The following EIF3G variants were observed in gnomAD, a reference collection of about 807,000 sequenced individuals.
EIF3G encodes eukaryotic translation initiation factor 3 RNA-binding subunit.
A neutral mutation model predicts 41.7 loss-of-function variants in EIF3G; 10 were observed. That is an observed-to-expected ratio of 0.24 (90% CI 0.15 to 0.41). EIF3G has a LOEUF of 0.41. EIF3G is among the 10% of genes least tolerant of loss of function. The pLI is 1.00. For synonymous variants in EIF3G, 204 were observed against 172.5 expected, an observed-to-expected ratio of 1.18 and a Z score of -1.43; for missense variants, 297 against 444.0, an observed-to-expected ratio of 0.67 and a Z score of 2.98.
chr19:10,116,985 A>G lies in EIF3G; in HGVS notation c.410T>C (p.Leu137Pro). Reference protein sequence around the residue: ...SMTFITSKEDLNCQEEEDPMN... With the variant: ...SMTFITSKEDPNCQEEEDPMN... ...AGGGTCCTCCTCCTCCTGGCAGTTC[A>G]GGTCCTGGCAGGGGCGGGTTGGGGG... Residue 137 changes from leucine (L) to proline (P), a missense_variant, in exon 7 of 11, where the codon CTG becomes CCG. Leu to Pro is a moderately conservative substitution (Grantham distance 98). Coordinates refer to ENST00000253108, the MANE Select transcript of EIF3G (RefSeq NM_003755.5). This position sits in a 1 kb window ranked among gnomAD's most constrained non-coding sequence, Gnocchi z 4.1. 1 of 1,609,154 alleles carries G rather than the reference A, an allele frequency of 6.2e-7. No homozygotes were observed. Among genetic ancestry groups the G allele is most frequent in the Non-Finnish European group, 8.5e-7 (1 of 1,176,666 alleles).
intron 10 of EIF3G, 23 bp downstream of exon 10, chr19:10,115,456 C>T: frequency 6.3e-7 from 1 of 1,589,712 alleles, no homozygotes; most frequent in Admixed American, 1.7e-5. Flanking sequence ...GGAGCAGGGG[C>T]TGGGGCAGGG....
At chr19:10,117,010 G>A in intron 6 of EIF3G, 21 bp from the exon 7 acceptor site, 6 of 1,603,286 alleles carry the variant, frequency 3.7e-6, no homozygotes, top group Non-Finnish European at 5.1e-6. Context: ...CGGGTTGGGG[G>A]GAGCTCAGAG....
At chr19:10,119,776 C>T (rs1471844854) in intron 1 of EIF3G, 64 bp downstream of exon 1, 1 of 1,614,090 alleles carries the variant, frequency 6.2e-7, no homozygotes, top group East Asian at 2.2e-5. Flanking sequence ...GTACCCAGGC[C>T]CCATAATACT....
chr19:10,115,163 C>T (rs1381664924), intron 10 of EIF3G, 34 bp from the exon 11 acceptor site: 2 of 1,612,340 alleles, frequency 1.2e-6, no homozygotes, highest in Non-Finnish European at 1.7e-6. Context: ...TATAAGACTT[C>T]TGGGGGCACC....
In EIF3G at chr19:10,115,499, G is replaced by A. The variant is rs1184285380; in HGVS notation, c.927C>T (p.Ile309=). Residue 309 remains isoleucine (I), a synonymous_variant, in exon 10 of 11, where the codon ATC becomes ATT. Transcript: ENST00000253108. ...CTTACTTGGCCCACTCGACGTTGAG[G>A]ATGAGGTGGTCGTAGCCAAAGCCGG... ...GVSGFGYDHL[I]LNVEWAKPST... 4 of 1,612,676 alleles carry A rather than the reference G, an allele frequency of 2.5e-6. No homozygotes were observed. Among genetic ancestry groups the A allele is most frequent in the East Asian group, 4.5e-5 (2 of 44,890 alleles).
In EIF3G at chr19:10,116,213, G is replaced by A. The variant is rs150520997; in HGVS notation, c.596-139C>T. 78 of 773,606 alleles carry A rather than the reference G, an allele frequency of 1.0e-4. No homozygotes were observed. The East Asian group carries it at 2.1e-3, about 21-fold the overall frequency. 47.9% of individuals were successfully genotyped at this position (773,606 alleles called of 1,614,324 possible). A position where few individuals can be genotyped will look rare whatever the true frequency, so the allele number is the denominator to read the frequency against. On this transcript the variant is annotated intron_variant, in intron 7 of 10. Transcript: ENST00000253108. The surrounding 1 kb of genome is among the most constrained non-coding windows in gnomAD (Gnocchi z 4.1). Reference sequence around the variant, plus strand: ...ACCACAGGCAGCCAGTTGGCCACGAGGACACCAAGGTGACACCTGAGAAGC... The same window carrying A: ...ACCACAGGCAGCCAGTTGGCCACGAAGACACCAAGGTGACACCTGAGAAGC...
Position 10,116,243 on chromosome 19 carries a change from A to G in EIF3G, c.596-169T>C. 4.6e-6 allele frequency: 3 copies of G among 649,690 alleles called. No homozygotes were observed. Among genetic ancestry groups the G allele is most frequent in the Non-Finnish European group, 7.9e-6 (3 of 379,274 alleles). The allele number at this position is 649,690 out of a possible 1,614,324, so 40.2% of individuals were successfully genotyped here. The stretch of plus-strand genomic sequence containing the variant: ...CCAAGGTGACACCTGAGAAGCTGAC[A>G]CCATTTGAGCTCCCAGCCAGCGACA... On this transcript the variant is annotated intron_variant, in intron 7 of 10. Coordinates refer to ENST00000253108, the MANE Select transcript of EIF3G (RefSeq NM_003755.5). This position sits in a 1 kb window ranked among gnomAD's most constrained non-coding sequence, Gnocchi z 4.1.
rs897071959 is a variant in EIF3G at position 10,119,851 on chromosome 19, A to T, written c.9T>A (p.Thr3=). The change falls in exon 1 of 11, where the codon ACT becomes ACA. Residue 3 remains threonine (T), a synonymous_variant. Transcript: ENST00000253108. ...GATCGCCGACTCACTCAAAGTCTCC[A>T]GTAGGCATCGCAAAAAGTATTCTCC... The part of the protein sequence containing the change: MP[T]GDFDSKPSWA... 4 of 1,614,050 alleles carry T rather than the reference A, an allele frequency of 2.5e-6. No individual in the cohort carries two copies. The African/African-American group carries it at 5.3e-5, about 22-fold the overall frequency.
chr19:10,116,078 G>A lies in EIF3G; in HGVS notation c.596-4C>T, dbSNP rs535149710. 1.9e-6 allele frequency: 3 copies of A among 1,613,238 alleles called. No homozygotes were observed. In the African/African-American group the frequency reaches 4.0e-5, roughly 21 times the overall value. On this transcript the variant is annotated splice_polypyrimidine_tract_variant and splice_region_variant and intron_variant, in intron 7 of 10. Coordinates refer to ENST00000253108, the MANE Select transcript of EIF3G (RefSeq NM_003755.5). This position sits in a 1 kb window ranked among gnomAD's most constrained non-coding sequence, Gnocchi z 4.1. ...GTGGCCTGCACCGGCTCTAGCTCTG[G>A]GGACCAAAAGACAGTCAAGTTCAAC...
rs191610406 is a variant in EIF3G, at chr19:10,116,697, G to T, written c.595+103C>A. The T allele has an allele frequency of 6.0e-5, 74 of 1,229,200 alleles. 1 individual carries two copies. In the East Asian group the frequency reaches 1.4e-3, roughly 24 times the overall value. 76.1% of individuals were successfully genotyped at this position (1,229,200 alleles called of 1,614,324 possible). ...GCACAGACGCCCCGAGGAGAGTCTG[G>T]CACCATCAAACCCGCTGCACTGTCG... On this transcript the variant is annotated intron_variant, in intron 7 of 10. Coordinates refer to ENST00000253108, the MANE Select transcript of EIF3G (RefSeq NM_003755.5). This position sits in a 1 kb window ranked among gnomAD's most constrained non-coding sequence, Gnocchi z 4.1.
rs1005097109 is a variant in EIF3G at position 10,116,328 on chromosome 19, A to G, written c.596-254T>C. ...ACCCCAGAGAGGGCGGGAGGACAAC[A>G]GGGGCAGCAGCCTCACATGCACAGC... On this transcript the variant is annotated intron_variant, in intron 7 of 10. Transcript: ENST00000253108. The surrounding 1 kb of genome is among the most constrained non-coding windows in gnomAD (Gnocchi z 4.1). The G allele has an allele frequency of 3.0e-5, 17 of 570,160 alleles. No individual in the cohort carries two copies. Among genetic ancestry groups the G allele is most frequent in the African/African-American group, 2.4e-4 (13 of 53,118 alleles). 35.3% of individuals were successfully genotyped at this position (570,160 alleles called of 1,614,324 possible).
intron 10 of EIF3G, 88 bp from the exon 11 acceptor site, chr19:10,115,217 C>G (rs988543452): frequency 1.3e-6 from 2 of 1,526,932 alleles, no homozygotes; most frequent in African/African-American, 2.7e-5. Flanking sequence ...GGTGGGTGGG[C>G]AGAGGACGGG....
At chr19:10,118,623 G>C (rs1294474056) in intron 5 of EIF3G, 45 bp downstream of exon 5, 1 of 1,599,724 alleles carries the variant, frequency 6.3e-7, no homozygotes, top group East Asian at 2.2e-5. Flanking sequence ...CGGGAGCACG[G>C]TTTTCCAATT....
Position 10,116,786 on chromosome 19 carries a change from T to G in EIF3G, c.595+14A>C, listed in dbSNP as rs540508075. 5.8e-6 allele frequency: 9 copies of G among 1,561,714 alleles called. No homozygotes were observed. The East Asian group carries it at 1.4e-4, about 24-fold the overall frequency. ...AACCCGTGCACTGACAGCAGGACCC[T>G]CCCACCCCCACACCTCCCGGCAGCT... is the stretch of plus-strand genomic sequence containing the variant. On this transcript the variant is annotated intron_variant, in intron 7 of 10. Coordinates refer to ENST00000253108, the MANE Select transcript of EIF3G (RefSeq NM_003755.5). The surrounding 1 kb of genome is among the most constrained non-coding windows in gnomAD (Gnocchi z 4.1).
At chr19:10,119,231 G>C (rs745668671) in intron 2 of EIF3G, 60 bp from the exon 3 acceptor site, 2 of 1,520,718 alleles carry the variant, frequency 1.3e-6, no homozygotes, top group East Asian at 2.4e-5. Context: ...CCCCAGCTGC[G>C]ATGGAAGGGC....
chr19:10,115,160 C>T (rs768064831), intron 10 of EIF3G, 31 bp from the exon 11 acceptor site: 16 of 1,612,468 alleles, frequency 9.9e-6, no homozygotes, highest in Admixed American at 8.4e-5. Flanking sequence ...AGGTATAAGA[C>T]TTCTGGGGGC....
In EIF3G at chr19:10,116,348, C is replaced by G; in HGVS notation, c.596-274G>C. ...ACAACAGGGGCAGCAGCCTCACATG[C>G]ACAGCAACGGCAGACATGGGACACA... On this transcript the variant is annotated intron_variant, in intron 7 of 10. Transcript: ENST00000253108. The surrounding 1 kb of genome is among the most constrained non-coding windows in gnomAD (Gnocchi z 4.1). The G allele has an allele frequency of 1.8e-6, 1 of 552,902 alleles. No individual in the cohort carries two copies. Among genetic ancestry groups the G allele is most frequent in the Non-Finnish European group, 3.2e-6 (1 of 308,890 alleles). 34.2% of individuals were successfully genotyped at this position (552,902 alleles called of 1,614,324 possible).
chr19:10,115,845 G>T lies in EIF3G; in HGVS notation c.704-25C>A, dbSNP rs74555430. The T allele has an allele frequency of 2.1e-3, 3,351 of 1,608,826 alleles. 27 individuals carry two copies. In the African/African-American group the frequency reaches 0.025, roughly 12 times the overall value. ...GCTGTGTGGGAGAGGGGAGGTGGCTGTGAGGGGGAGGACACTGCCCAGCCC... is the reference window on the plus strand; with the variant it reads ...GCTGTGTGGGAGAGGGGAGGTGGCTTTGAGGGGGAGGACACTGCCCAGCCC... On this transcript the variant is annotated intron_variant, in intron 8 of 10. Transcript: ENST00000253108.
chr19:10,116,441 C>T lies in EIF3G; in HGVS notation c.595+359G>A. The T allele has an allele frequency of 8.4e-6, 4 of 478,096 alleles. No homozygotes were observed. The highest frequency in any genetic ancestry group is 3.7e-5 in the Admixed American group (1 of 26,718). 29.6% of individuals were successfully genotyped at this position (478,096 alleles called of 1,614,324 possible). On this transcript the variant is annotated intron_variant, in intron 7 of 10. Coordinates refer to ENST00000253108, the MANE Select transcript of EIF3G (RefSeq NM_003755.5). This position sits in a 1 kb window ranked among gnomAD's most constrained non-coding sequence, Gnocchi z 4.1. The stretch of plus-strand genomic sequence containing the variant: ...AAGTGCACGTCTGCACTCTCACACT[C>T]GCCACCAGCAAATCCCACCAAAGAA...
Sources: gnomAD v4.1 joint callset for allele counts on GRCh38, gnomAD v4.1.1 for gene constraint, Gnocchi (gnomAD v3.1) non-coding constraint, MANE v1.5 for transcripts, NCBI Gene and HGNC (gene_info 2026-07-23, HGNC 2026-07-21) for gene names.